Variants in ASAP1 observed in about 807,000 individuals in gnomAD.
ASAP1 encodes the protein ArfGAP with SH3 domain, ankyrin repeat and PH domain 1, also known as arf-GAP with SH3 domain, ANK repeat and PH domain-containing protein 1.
Under a neutral mutation model 145.2 loss-of-function variants are expected in ASAP1, and 43 were observed. That is an observed-to-expected ratio of 0.30 (90% CI 0.23 to 0.38). ASAP1 has a LOEUF of 0.38. ASAP1 is among the 10% of genes least tolerant of loss of function. ASAP1 has a pLI of 1.00. For missense variants in ASAP1, 1,018 were observed against 1,355.3 expected (o/e 0.75, Z 3.91); for synonymous variants, 546 against 515.5 (o/e 1.06, Z -0.80).
chr8:130,167,106 C>A (rs1024539612), intron 11 of ASAP1, among the ~76,000 whole-genome samples: 2 of 151,948 alleles, frequency 1.3e-5, no homozygotes, highest in Non-Finnish European at 2.9e-5. Flanking sequence ...CAGTTCAAGA[C>A]CAGCCAGGGC....
At chr8:130,233,141 C>A (rs1409261771) in intron 4 of ASAP1, among the ~76,000 whole-genome samples, 1 of 152,154 alleles carries the variant, frequency 6.6e-6, no homozygotes, top group Non-Finnish European at 1.5e-5. Flanking sequence ...TGAGTTTGTC[C>A]CTATATTTCT....
At chr8:130,393,173 A>T (rs1828366012) in intron 2 of ASAP1, among the ~76,000 whole-genome samples, 1 of 152,088 alleles carries the variant, frequency 6.6e-6, no homozygotes. Flanking sequence ...TCTTGTTTGT[A>T]GCGGTTTACC....
At chr8:130,310,426 G>A (rs1823270091) in intron 3 of ASAP1, among the ~76,000 whole-genome samples, 1 of 152,070 alleles carries the variant, frequency 6.6e-6, no homozygotes, top group African/African-American at 2.4e-5. Context: ...GAGTCATCAA[G>A]CAAATACTCG....
chr8:130,115,025 G>A (rs866786427), intron 23 of ASAP1, among the ~76,000 whole-genome samples: 3 of 152,116 alleles, frequency 2.0e-5, no homozygotes, highest in South Asian at 2.1e-4. Context: ...CTCCCAAAGC[G>A]CTGGGATTAT....
intron 3 of ASAP1, 29 bp from the exon 4 acceptor site, chr8:130,237,023 T>C: frequency 6.7e-7 from 1 of 1,484,192 alleles, no homozygotes; most frequent in Non-Finnish European, 9.1e-7. Context: ...GGAAAAGATA[T>C]TAGAAGATTT....
intron 4 of ASAP1, among the ~76,000 whole-genome samples, chr8:130,218,657 C>G (rs1817084717): frequency 1.3e-5 from 2 of 150,584 alleles, no homozygotes; most frequent in African/African-American, 5.0e-5. Context: ...CTTCTGTGAC[C>G]CAAATCCTTA....
chr8:130,439,596 CTT>C (rs1240332749), intron 1 of ASAP1, among the ~76,000 whole-genome samples: 7 of 152,136 alleles, frequency 4.6e-5, no homozygotes, highest in Non-Finnish European at 7.4e-5. Flanking sequence ...AAAAGGGTAA[CTT>C]CAGTTGAACA....
intron 3 of ASAP1, among the ~76,000 whole-genome samples, chr8:130,302,275 C>T (rs1030130063): frequency 6.6e-6 from 1 of 152,136 alleles, no homozygotes; most frequent in Non-Finnish European, 1.5e-5. Flanking sequence ...TGGAAACCAG[C>T]CAGGGCTGCT....
At chr8:130,151,598 A>G (rs1322209579) in intron 13 of ASAP1, among the ~76,000 whole-genome samples, 1 of 152,138 alleles carries the variant, frequency 6.6e-6, no homozygotes, top group Admixed American at 6.5e-5. Context: ...AGAATCACTG[A>G]AAAGTGTGCT....
chr8:130,073,207 C>T (rs1466343035), intron 27 of ASAP1, among the ~76,000 whole-genome samples: 5 of 151,432 alleles, frequency 3.3e-5, no homozygotes, highest in Non-Finnish European at 5.9e-5. Flanking sequence ...CTGACCAACA[C>T]GGAGAAACCC....
chr8:130,182,414 TAC>T (rs1335130522), intron 7 of ASAP1, among the ~76,000 whole-genome samples: 3 of 152,202 alleles, frequency 2.0e-5, no homozygotes, highest in Non-Finnish European at 4.4e-5. Context: ...CTCCCTCACT[TAC>T]ATAGCTTCCA....
rs976404323 is a variant in ASAP1 at position 130,300,139 on chromosome 8, C to T, written c.186+57878G>A. 4.2e-4 allele frequency among the ~76,000 whole-genome samples: 50 copies of T among 118,602 alleles called. No homozygotes were observed. The East Asian group carries it at 0.012, about 28-fold the overall frequency. 77.8% of individuals were successfully genotyped at this position (118,602 alleles called of 152,430 possible). On this transcript the variant is annotated intron_variant, in intron 3 of 29. Transcript: ENST00000518721. ...ACACACACACACACACACACACACA[C>T]ACACACACACACACAGAGAGAGAGA...
intron 3 of ASAP1, among the ~76,000 whole-genome samples, chr8:130,239,447 G>C: frequency 6.6e-6 from 1 of 152,086 alleles, no homozygotes; most frequent in Admixed American, 6.6e-5. Flanking sequence ...CAGGGTGGCT[G>C]AGCTGGAATT....
intron 5 of ASAP1, among the ~76,000 whole-genome samples, chr8:130,213,669 A>G (rs1015662871): frequency 6.6e-6 from 1 of 152,172 alleles, no homozygotes; most frequent in African/African-American, 2.4e-5. Flanking sequence ...CATGATATAA[A>G]TAGTTTTCCT....
At chr8:130,211,366 T>G (rs534950654) in intron 5 of ASAP1, among the ~76,000 whole-genome samples, 2 of 152,284 alleles carry the variant, frequency 1.3e-5, no homozygotes, top group African/African-American at 4.8e-5. Flanking sequence ...AGGTAGCCCT[T>G]GGGAGTTTTC....
chr8:130,188,005 G>C, intron 6 of ASAP1, 104 bp downstream of exon 6: 1 of 836,446 alleles, frequency 1.2e-6, no homozygotes, highest in Non-Finnish European at 1.9e-6. Flanking sequence ...CGCTGAAAAT[G>C]TTCAAAGAGT....
In ASAP1 at chr8:130,224,790, T is replaced by C. The variant is rs1817496734; in HGVS notation, c.260-10089A>G. ...CAAAACACAATGCTACAATAAATAC[T>C]CTTATACACAAGCTCTTACACGCTG... On this transcript the variant is annotated intron_variant, in intron 4 of 29. Transcript: ENST00000518721. 3.3e-5 allele frequency among the ~76,000 whole-genome samples: 5 copies of C among 152,176 alleles called. No individual in the cohort carries two copies. In the South Asian group the frequency reaches 6.2e-4, roughly 19 times the overall value.
At chr8:130,060,054 G>T (rs1269908154) in intron 28 of ASAP1, among the ~76,000 whole-genome samples, 1 of 144,962 alleles carries the variant, frequency 6.9e-6, no homozygotes, top group African/African-American at 2.6e-5. Flanking sequence ...CTCCAGCCTG[G>T]GCGACAGAGC....
intron 5 of ASAP1, among the ~76,000 whole-genome samples, chr8:130,190,493 T>C (rs1411476311): frequency 6.6e-6 from 1 of 152,156 alleles, no homozygotes; most frequent in Non-Finnish European, 1.5e-5. Flanking sequence ...GGTTCTCTAT[T>C]TGGTTCCACT....
Sources: allele counts gnomAD v4.1 joint callset (sites outside exome capture counted in the v4.1 genomes callset), GRCh38; gene constraint gnomAD v4.1.1; transcripts MANE v1.5; gene names NCBI Gene and HGNC (gene_info 2026-07-23, HGNC 2026-07-21).